The following DPP10 variants were observed in gnomAD, a reference collection of about 807,000 sequenced individuals.
DPP10 encodes the protein inactive dipeptidyl peptidase 10.
In DPP10, 33 loss-of-function variants were observed where a neutral mutation model predicts 120.9. The observed-to-expected ratio is 0.27, with a 90% CI of 0.21 to 0.37. The LOEUF is 0.37. Among genes scored for constraint, DPP10 ranks in the 10% least tolerant of loss-of-function variants. DPP10 has a pLI of 1.00. For missense variants in DPP10, 816 were observed against 942.8 expected (o/e 0.87, Z 1.76); for synonymous variants, 337 against 326.1 (o/e 1.03, Z -0.36).
At chr2:115,538,167 T>G (rs2078974481) in intron 5 of DPP10, among the ~76,000 whole-genome samples, 1 of 152,004 alleles carries the variant, frequency 6.6e-6, no homozygotes, top group Non-Finnish European at 1.5e-5. Flanking sequence ...GATGGCTCTC[T>G]CCCTTGACAC....
intron 1 of DPP10, among the ~76,000 whole-genome samples, chr2:114,945,887 C>T (rs1697313118): frequency 2.0e-5 from 3 of 152,058 alleles, no homozygotes; most frequent in Non-Finnish European, 4.4e-5. Context: ...ATTAACTTAG[C>T]CAGGTAAACA....
At chr2:114,532,276 T>TATATATATATATATAC (rs1686063895) in intron 1 of DPP10, among the ~76,000 whole-genome samples, 1 of 52,276 alleles carries the variant, frequency 1.9e-5, no homozygotes, top group Non-Finnish European at 3.9e-5. Flanking sequence ...TATATATATA[T>TATATATATATATATAC]ATATATATAT....
intron 1 of DPP10, chr2:114,833,874 G>A (rs969220051): frequency 4.0e-5 from 6 of 151,872 alleles, no homozygotes; most frequent in East Asian, 1.9e-4. Flanking sequence ...TTTGTCCTAC[G>A]GAAGGCACAG....
At chr2:115,815,263 C>T (rs577850830) in intron 20 of DPP10, among the ~76,000 whole-genome samples, 8 of 152,254 alleles carry the variant, frequency 5.3e-5, no homozygotes, top group East Asian at 1.9e-4. Context: ...TATTTGTTTA[C>T]AGGAATCCAC....
intron 7 of DPP10, among the ~76,000 whole-genome samples, chr2:115,714,192 G>A (rs2092416896): frequency 6.6e-6 from 1 of 152,214 alleles, no homozygotes; most frequent in Non-Finnish European, 1.5e-5. Context: ...ATTAATACCT[G>A]TAGGAGACTC....
At chr2:114,697,861 G>C (rs1415641351) in intron 1 of DPP10, among the ~76,000 whole-genome samples, 1 of 151,552 alleles carries the variant, frequency 6.6e-6, no homozygotes, top group Non-Finnish European at 1.5e-5. Context: ...TCACCTTCTA[G>C]ATCTTACAAC....
chr2:114,697,939 C>G (rs1700166060), intron 1 of DPP10, among the ~76,000 whole-genome samples: 1 of 151,972 alleles, frequency 6.6e-6, no homozygotes, highest in Non-Finnish European at 1.5e-5. Flanking sequence ...GGTTTGGTGT[C>G]TACATTGCCA....
At chr2:115,701,430 TAACTC>T (rs1250300650) in intron 7 of DPP10, among the ~76,000 whole-genome samples, 3 of 152,070 alleles carry the variant, frequency 2.0e-5, no homozygotes, top group Admixed American at 6.6e-5. Context: ...ATTCAAAACT[TAACTC>T]AGATTGGATC....
intron 1 of DPP10, among the ~76,000 whole-genome samples, chr2:114,478,917 CAAAT>C (rs1445833019): frequency 6.7e-6 from 1 of 148,764 alleles, no homozygotes; most frequent in Non-Finnish European, 1.5e-5. Flanking sequence ...TGAAAGAAAT[CAAAT>C]AAAATGTAAA....
chr2:115,324,767 C>T (rs140442258), intron 2 of DPP10, among the ~76,000 whole-genome samples: 161 of 152,232 alleles, frequency 1.1e-3, no homozygotes, highest in Non-Finnish European at 1.7e-3. Flanking sequence ...TTCAGCCTAC[C>T]TAAGCTTTTG....
At chr2:115,436,400 A>AT (rs35110815) in intron 3 of DPP10, among the ~76,000 whole-genome samples, 89,559 of 149,984 alleles carry the variant, frequency 0.6, 27,927 homozygotes, top group Middle Eastern at 0.73. Flanking sequence ...TTGCAAAAAG[A>AT]TTTTTTTTTT....
intron 1 of DPP10, among the ~76,000 whole-genome samples, chr2:114,988,158 G>C (rs1327977694): frequency 6.6e-6 from 1 of 152,164 alleles, no homozygotes; most frequent in African/African-American, 2.4e-5. Flanking sequence ...TTGAATGTCT[G>C]GCGCAGTACT....
intron 3 of DPP10, among the ~76,000 whole-genome samples, chr2:115,368,023 A>G (rs2065180810): frequency 1.3e-5 from 2 of 152,158 alleles, no homozygotes; most frequent in Admixed American, 6.6e-5. Flanking sequence ...TAGATAGCTA[A>G]AAGTCATCAG....
intron 1 of DPP10, among the ~76,000 whole-genome samples, chr2:114,454,230 G>T (rs1678440523): frequency 6.6e-6 from 1 of 152,100 alleles, no homozygotes; most frequent in South Asian, 2.1e-4. Context: ...AGATAAGGGA[G>T]GGTACCACCA....
chr2:115,066,853 T>C (rs934874224), intron 1 of DPP10: 1 of 152,240 alleles, frequency 6.6e-6, no homozygotes, highest in Admixed American at 6.5e-5. Context: ...TACATCTTCA[T>C]TGATTACCAC....
chr2:115,662,069 T>A (rs1234916407), intron 5 of DPP10, among the ~76,000 whole-genome samples: 2 of 152,176 alleles, frequency 1.3e-5, no homozygotes, highest in Non-Finnish European at 2.9e-5. Flanking sequence ...TTTCTGCTTC[T>A]ATATGTTTGA....
rs540858234 is a variant in DPP10 at position 115,256,263 on chromosome 2, G to C, written c.61-52976G>C. 3.0e-5 allele frequency among the ~76,000 whole-genome samples: 4 copies of C among 134,214 alleles called. No homozygotes were observed. The East Asian group carries it at 5.8e-4, about 19-fold the overall frequency. 88.0% of individuals were successfully genotyped at this position (134,214 alleles called of 152,430 possible). A position where few individuals can be genotyped will look rare whatever the true frequency, so the allele number is the denominator to read the frequency against. On this transcript the variant is annotated intron_variant, in intron 1 of 25. Coordinates refer to ENST00000410059, the MANE Select transcript of DPP10 (RefSeq NM_020868.6). ...GCCATTTATAAAATCATCAGATCTCGTGAGAATTCACTCACTATCAAAAGA... is the reference window on the plus strand; with the variant it reads ...GCCATTTATAAAATCATCAGATCTCCTGAGAATTCACTCACTATCAAAAGA...
intron 1 of DPP10, among the ~76,000 whole-genome samples, chr2:115,085,474 T>C (rs1342845783): frequency 6.6e-6 from 1 of 152,220 alleles, no homozygotes; most frequent in Non-Finnish European, 1.5e-5. Flanking sequence ...TGTTCCCAAA[T>C]TTCAATAAAT....
At chr2:115,481,876 A>G (rs970794721) in intron 3 of DPP10, among the ~76,000 whole-genome samples, 2 of 152,102 alleles carry the variant, frequency 1.3e-5, no homozygotes, top group Non-Finnish European at 2.9e-5. Flanking sequence ...TATAAATACT[A>G]TTTGTAGAGC....
Sources: allele counts gnomAD v4.1 joint callset (sites outside exome capture counted in the v4.1 genomes callset), GRCh38; gene constraint gnomAD v4.1.1; transcripts MANE v1.5; gene names NCBI Gene and HGNC (gene_info 2026-07-23, HGNC 2026-07-21).